The following NR1H4 variants were observed in gnomAD, a reference collection of about 807,000 sequenced individuals.
NR1H4 encodes nuclear receptor subfamily 1 group H member 4, also known as bile acid receptor.
Under a neutral mutation model 58.5 loss-of-function variants are expected in NR1H4, and 23 were observed. The ratio of observed to expected loss-of-function variants is 0.39; its 90% CI spans 0.28 to 0.56. The LOEUF is 0.56. Ranked by LOEUF, NR1H4 falls within the 20% of genes least tolerant of loss-of-function variation. The probability of loss-of-function intolerance (pLI) is 0.58; values close to 1 mark genes in which losing one functional copy is unlikely to be tolerated. For missense variants in NR1H4, 487 were observed against 576.9 expected, an observed-to-expected ratio of 0.84 and a Z score of 1.60; for synonymous variants, 214 against 198.0, an observed-to-expected ratio of 1.08 and a Z score of -0.68.
rs1476025310 is a variant in NR1H4, at chr12:100,511,073, G to T, written c.375G>T (p.Glu125Asp). The T allele has an allele frequency of 1.2e-6, 2 of 1,614,282 alleles. No individual in the cohort carries two copies. Among genetic ancestry groups the T allele is most frequent in the East Asian group, 2.2e-5 (1 of 44,892 alleles). The change falls in exon 4 of 11, where the codon GAG becomes GAT. Residue 125 changes from glutamate to aspartate, a missense_variant. Transcript: ENST00000392986. ...CAGCAGGGAGGATCAAAGGGGATGA[G>T]CTGTGTGTTGTTTGTGGAGACAGAG... ...GASAGRIKGD[E>D]LCVVCGDRAS...
chr12:100,474,280 T>C (rs1953221819), intron 1 of NR1H4, among the ~76,000 whole-genome samples: 1 of 152,236 alleles, frequency 6.6e-6, no homozygotes, highest in Non-Finnish European at 1.5e-5. Context: ...TGCTTACCTA[T>C]TGAAAACTTA....
At chr12:100,560,390 A>T (rs562427236) in intron 9 of NR1H4, among the ~76,000 whole-genome samples, 19 of 146,146 alleles carry the variant, frequency 1.3e-4, no homozygotes, top group African/African-American at 4.2e-4. Flanking sequence ...CGCTGCTTTT[A>T]TGAGTTGTAA....
chr12:100,493,329 A>G lies in NR1H4; in HGVS notation c.6A>G (p.Gly2=). 1 of 1,553,008 alleles carries G rather than the reference A, an allele frequency of 6.4e-7. No individual in the cohort carries two copies. Among genetic ancestry groups the G allele is most frequent in the Non-Finnish European group, 8.9e-7 (1 of 1,129,894 alleles). Residue 2 remains glycine, a synonymous_variant, in exon 3 of 11, where the codon GGA becomes GGG. Coordinates refer to ENST00000392986, the MANE Select transcript of NR1H4 (RefSeq NM_001206979.2). ...ATTTCAATTGAAAAATTTGGATGGG[A>G]TCAAAAATGAATCTCATTGAACATT... M[G]SKMNLIEHSH... is the part of the protein sequence containing the mutation.
chr12:100,563,333 T>TTG lies in NR1H4; in HGVS notation c.1275_1276insTG (p.His426CysfsTer17). On this transcript the variant is annotated frameshift_variant, in exon 11 of 11. Coordinates refer to ENST00000392986, the MANE Select transcript of NR1H4 (RefSeq NM_001206979.2). LOFTEE classifies it high-confidence loss of function. The stretch of plus-strand genomic sequence containing the variant: ...ATGTGCTACAAAAGTTGTGTAAGAT[T>TTG]CACCAGCCTGAAAATCCTCAACACT... 1 of 1,614,156 alleles carries TTG rather than the reference T, an allele frequency of 6.2e-7. No homozygotes were observed. The highest frequency in any genetic ancestry group is 8.5e-7 in the Non-Finnish European group (1 of 1,180,026).
rs1953214325 is a variant in NR1H4 at position 100,473,885 on chromosome 12, T to C, written c.-364T>C. 1 of 152,290 alleles carries C rather than the reference T, an allele frequency of 6.6e-6. No homozygotes were observed. Among genetic ancestry groups the C allele is most frequent in the African/African-American group, 2.4e-5 (1 of 41,460 alleles). The allele number at this position is 152,290 out of a possible 1,614,324, so 9.4% of individuals were successfully genotyped here. On this transcript the variant is annotated 5_prime_UTR_variant, in exon 1 of 11. An upstream start codon of the reference 5' UTR is lost. Coordinates refer to ENST00000392986, the MANE Select transcript of NR1H4 (RefSeq NM_001206979.2). ...TAGCCCAGAAGGCCGCCTGTGATCA[T>C]GCACAGTACACTGGAACTCTCTCCT...
At chr12:100,501,875 C>T (rs1256270084) in intron 3 of NR1H4, among the ~76,000 whole-genome samples, 1 of 152,176 alleles carries the variant, frequency 6.6e-6, no homozygotes, top group Non-Finnish European at 1.5e-5. Context: ...CAGTGCATCT[C>T]GCTACATTAT....
intron 1 of NR1H4, among the ~76,000 whole-genome samples, chr12:100,492,209 A>G (rs1055340490): frequency 6.6e-6 from 1 of 152,154 alleles, no homozygotes; most frequent in Non-Finnish European, 1.5e-5. Context: ...CCAGCAGCCA[A>G]GTGCACCTGA....
rs1954725204 is a variant in NR1H4, at chr12:100,532,751, AC to A, written c.598+142del. On this transcript the variant is annotated intron_variant, in intron 5 of 10. Coordinates refer to ENST00000392986, the MANE Select transcript of NR1H4 (RefSeq NM_001206979.2). Reference sequence around the variant, plus strand: ...AAGTTCTTGAAAAGGGTAATGAACCACTGAAATTGTCCAAACTGTCAACTAA... The same window carrying A: ...AAGTTCTTGAAAAGGGTAATGAACCATGAAATTGTCCAAACTGTCAACTAA... 4 of 731,162 alleles carry A rather than the reference AC, an allele frequency of 5.5e-6. No individual in the cohort carries two copies. In the East Asian group the frequency reaches 1.1e-4, roughly 20 times the overall value. 45.3% of individuals were successfully genotyped at this position (731,162 alleles called of 1,614,324 possible).
At chr12:100,556,110 A>T (rs1011991859) in intron 9 of NR1H4, among the ~76,000 whole-genome samples, 52 of 152,294 alleles carry the variant, frequency 3.4e-4, no homozygotes, top group Non-Finnish European at 6.8e-4. Flanking sequence ...ACTGTTTTTT[A>T]AAAAATATTT....
Position 100,510,963 on chromosome 12 carries a change from A to T in NR1H4, c.265A>T (p.Arg89Trp). 1 of 1,614,222 alleles carries T rather than the reference A, an allele frequency of 6.2e-7. No homozygotes were observed. Among genetic ancestry groups the T allele is most frequent in the Non-Finnish European group, 8.5e-7 (1 of 1,180,020 alleles). Reference protein sequence around the residue: ...EWYSPGIYELRRMPAETLYQG... With the variant: ...EWYSPGIYELWRMPAETLYQG... ...GTACTCTCCTGGAATATATGAACTC[A>T]GGCGTATGCCAGCTGAGACTCTCTA... The change falls in exon 4 of 11, where the codon AGG (arginine) becomes TGG (tryptophan). Residue 89 changes from arginine (R) to tryptophan (W), a missense_variant. Coordinates refer to ENST00000392986, the MANE Select transcript of NR1H4 (RefSeq NM_001206979.2).
At chr12:100,480,232 T>A (rs1040448251) in intron 1 of NR1H4, among the ~76,000 whole-genome samples, 1 of 152,220 alleles carries the variant, frequency 6.6e-6, no homozygotes, top group Admixed American at 6.5e-5. Context: ...ATTGGGTTTT[T>A]CTTGCCTGAC....
chr12:100,550,870 T>C (rs1399774533), intron 9 of NR1H4, among the ~76,000 whole-genome samples: 1 of 152,228 alleles, frequency 6.6e-6, no homozygotes, highest in African/African-American at 2.4e-5. Flanking sequence ...TGCAATGTTT[T>C]GTTTTCACAT....
At chr12:100,537,881 T>A (rs1338385028) in intron 8 of NR1H4, among the ~76,000 whole-genome samples, 1 of 152,090 alleles carries the variant, frequency 6.6e-6, no homozygotes, top group Non-Finnish European at 1.5e-5. Flanking sequence ...GCCCAGCTAA[T>A]TTTTGTATTT....
intron 4 of NR1H4, among the ~76,000 whole-genome samples, chr12:100,529,199 C>A (rs1199969039): frequency 6.6e-6 from 1 of 152,150 alleles, no homozygotes; most frequent in Admixed American, 6.5e-5. Context: ...ACTTTCTTAA[C>A]CTTGACATCT....
At chr12:100,500,744 C>T (rs1315253034) in intron 3 of NR1H4, among the ~76,000 whole-genome samples, 2 of 152,140 alleles carry the variant, frequency 1.3e-5, no homozygotes, top group Non-Finnish European at 2.9e-5. Context: ...TTCTCCCTTC[C>T]TACTCTCTCT....
At chr12:100,534,790 T>C in intron 5 of NR1H4, 100 bp from the exon 6 acceptor site, 2 of 1,354,678 alleles carry the variant, frequency 1.5e-6, no homozygotes, top group East Asian at 2.3e-5. Flanking sequence ...TGCCATTGCA[T>C]AGGGGATCTT....
chr12:100,505,835 C>T, intron 3 of NR1H4: 1 of 463,006 alleles, frequency 2.2e-6, no homozygotes, highest in South Asian at 3.5e-5. Flanking sequence ...ATCTTATTTT[C>T]TGCCAATGTT....
At chr12:100,494,585 C>T (rs1164655116) in intron 3 of NR1H4, among the ~76,000 whole-genome samples, 2 of 152,240 alleles carry the variant, frequency 1.3e-5, no homozygotes, top group Non-Finnish European at 2.9e-5. Context: ...CTCCCAAGTA[C>T]TTGCTGCATC....
Position 100,537,027 on chromosome 12 carries a change from A to C in NR1H4, c.911A>C (p.Glu304Ala). Residue 304 changes from glutamate (E) to alanine (A), a missense_variant, in exon 8 of 11, where the codon GAA becomes GCA. Glu to Ala is a moderately radical substitution (Grantham distance 107, BLOSUM62 -1). Coordinates refer to ENST00000392986, the MANE Select transcript of NR1H4 (RefSeq NM_001206979.2). ...MATNHVQVLV[E>A]FTKKLPGFQT... is the part of the protein sequence containing the mutation. Reference sequence around the variant, plus strand: ...ACCAATCATGTACAGGTTCTTGTAGAATTCACAAAAAAGCTACCAGGTATT... The same window carrying C: ...ACCAATCATGTACAGGTTCTTGTAGCATTCACAAAAAAGCTACCAGGTATT... The C allele has an allele frequency of 6.2e-7, 1 of 1,602,660 alleles. No homozygotes were observed. Among genetic ancestry groups the C allele is most frequent in the Non-Finnish European group, 8.5e-7 (1 of 1,173,690 alleles).
Sources: allele counts gnomAD v4.1 joint callset (sites outside exome capture counted in the v4.1 genomes callset), GRCh38; gene constraint gnomAD v4.1.1; transcripts MANE v1.5; gene names NCBI Gene and HGNC (gene_info 2026-07-23, HGNC 2026-07-21).